Variants in CNTNAP5 observed in about 807,000 individuals in gnomAD.
CNTNAP5 encodes the protein contactin associated protein family member 5, also known as contactin-associated protein-like 5.
A neutral mutation model predicts 150.2 loss-of-function variants in CNTNAP5; 72 were observed. The observed-to-expected ratio is 0.48, with a 90% CI of 0.40 to 0.58. The LOEUF (loss-of-function observed/expected upper bound fraction) is 0.58, where lower values mean the gene tolerates loss of function less well. Among genes scored for constraint, CNTNAP5 ranks in the 20% least tolerant of loss-of-function variants. The probability of loss-of-function intolerance (pLI) is 0.00; values close to 1 mark genes in which losing one functional copy is unlikely to be tolerated. For missense variants in CNTNAP5, 1,636 were observed against 1,626.2 expected (o/e 1.01, Z -0.10); for synonymous variants, 672 against 619.8 (o/e 1.08, Z -1.25).
At chr2:124,210,096 A>C (rs1433306558) in intron 1 of CNTNAP5, among the ~76,000 whole-genome samples, 1 of 152,114 alleles carries the variant, frequency 6.6e-6, no homozygotes, top group Admixed American at 6.5e-5. Context: ...AGACTAGTGA[A>C]CTCAGGTCAG....
chr2:124,772,532 G>C (rs1180075821), intron 16 of CNTNAP5, among the ~76,000 whole-genome samples: 1 of 152,142 alleles, frequency 6.6e-6, no homozygotes, highest in Non-Finnish European at 1.5e-5. Context: ...CGGCATTCAT[G>C]CAGGTATATC....
intron 1 of CNTNAP5, among the ~76,000 whole-genome samples, chr2:124,079,300 T>C (rs1456460624): frequency 6.6e-6 from 1 of 152,164 alleles, no homozygotes; most frequent in Non-Finnish European, 1.5e-5. Flanking sequence ...CCAACCCCCA[T>C]GTTCTTCCCA....
rs1437517622 is a variant in CNTNAP5, at chr2:124,914,593, C to T, written c.*305C>T. 3 of 236,960 alleles carry T rather than the reference C, an allele frequency of 1.3e-5. No individual in the cohort carries two copies. Among genetic ancestry groups the T allele is most frequent in the African/African-American group, 6.8e-5 (3 of 44,164 alleles). 14.7% of individuals were successfully genotyped at this position (236,960 alleles called of 1,614,324 possible). On this transcript the variant is annotated 3_prime_UTR_variant, in exon 24 of 24. Coordinates refer to ENST00000682447, the MANE Select transcript of CNTNAP5 (RefSeq NM_001367498.1). The stretch of plus-strand genomic sequence containing the variant: ...CTCCTGCATGTTCAGTTCTGTACTT[C>T]CAGTTTCTAAAATGCACTGTTCAGT...
chr2:124,806,316 T>G (rs1302670585), intron 19 of CNTNAP5, among the ~76,000 whole-genome samples: 1 of 152,098 alleles, frequency 6.6e-6, no homozygotes, highest in African/African-American at 2.4e-5. Flanking sequence ...AGGATGACAG[T>G]GGGGCCATAT....
chr2:124,606,059 G>A (rs1448156204), intron 11 of CNTNAP5, among the ~76,000 whole-genome samples: 1 of 151,904 alleles, frequency 6.6e-6, no homozygotes, highest in Non-Finnish European at 1.5e-5. Context: ...TAGTAAATTT[G>A]GAGTTAAATT....
chr2:124,623,570 A>G (rs1216672612), intron 12 of CNTNAP5, among the ~76,000 whole-genome samples: 2 of 152,222 alleles, frequency 1.3e-5, no homozygotes, highest in Non-Finnish European at 2.9e-5. Context: ...GGTGATGATG[A>G]CAGCTTTTTA....
chr2:124,799,831 T>C (rs1029750618), intron 19 of CNTNAP5, among the ~76,000 whole-genome samples: 7 of 152,000 alleles, frequency 4.6e-5, no homozygotes, highest in Non-Finnish European at 8.8e-5. Context: ...CTTTCTAAGA[T>C]AAAAATAGAA....
chr2:124,130,938 G>A (rs1683829265), intron 1 of CNTNAP5, among the ~76,000 whole-genome samples: 1 of 152,048 alleles, frequency 6.6e-6, no homozygotes, highest in African/African-American at 2.4e-5. Flanking sequence ...AAAGAAAGAA[G>A]GTGATACTGT....
chr2:124,807,606 C>A (rs1682107820), intron 19 of CNTNAP5, among the ~76,000 whole-genome samples: 1 of 152,154 alleles, frequency 6.6e-6, no homozygotes, highest in African/African-American at 2.4e-5. Flanking sequence ...GAAGACACAG[C>A]AAGGGATCAG....
intron 1 of CNTNAP5, among the ~76,000 whole-genome samples, chr2:124,167,113 A>G (rs1209541007): frequency 6.6e-6 from 1 of 152,088 alleles, no homozygotes; most frequent in Non-Finnish European, 1.5e-5. Context: ...TATGTCTCAG[A>G]TATCTCTCTC....
At chr2:124,419,895 G>GTTTTCTTTCTTTCTTT (rs1692038569) in intron 4 of CNTNAP5, among the ~76,000 whole-genome samples, 1 of 98,880 alleles carries the variant, frequency 1.0e-5, no homozygotes, top group East Asian at 3.7e-4. Flanking sequence ...GACTGGATTG[G>GTTTTCTTTCTTTCTTT]TTTTCTTTCT....
At chr2:124,236,629 C>A (rs1390969063) in intron 2 of CNTNAP5, among the ~76,000 whole-genome samples, 1 of 152,154 alleles carries the variant, frequency 6.6e-6, no homozygotes. Flanking sequence ...ACATCTAGAA[C>A]TTTTACTTAC....
At chr2:124,824,685 G>A (rs1682557994) in intron 19 of CNTNAP5, among the ~76,000 whole-genome samples, 1 of 152,148 alleles carries the variant, frequency 6.6e-6, no homozygotes, top group South Asian at 2.1e-4. Context: ...TAATACTGGA[G>A]CCACTTTGCT....
At chr2:124,420,895 C>T (rs1316503126) in intron 4 of CNTNAP5, among the ~76,000 whole-genome samples, 6 of 152,188 alleles carry the variant, frequency 3.9e-5, no homozygotes, top group African/African-American at 1.4e-4. Flanking sequence ...GAAACTCTGA[C>T]TAATACAGAA....
At chr2:124,539,170 G>T (rs368753934) in intron 10 of CNTNAP5, among the ~76,000 whole-genome samples, 2 of 152,274 alleles carry the variant, frequency 1.3e-5, no homozygotes, top group East Asian at 3.9e-4. Context: ...TGCAGTAAAA[G>T]GTTCTCACCT....
intron 7 of CNTNAP5, among the ~76,000 whole-genome samples, chr2:124,494,002 A>G (rs944063226): frequency 1.6e-5 from 2 of 126,316 alleles, no homozygotes; most frequent in Non-Finnish European, 3.4e-5. Context: ...ACACACACAC[A>G]CTCCACTTCC....
chr2:124,663,627 A>T (rs570161464), intron 13 of CNTNAP5, among the ~76,000 whole-genome samples: 2 of 152,244 alleles, frequency 1.3e-5, no homozygotes, highest in African/African-American at 4.8e-5. Flanking sequence ...AAAGGAGGGA[A>T]AATCCTTTGG....
At chr2:124,385,612 A>AT (rs1450883707) in intron 3 of CNTNAP5, among the ~76,000 whole-genome samples, 1 of 152,324 alleles carries the variant, frequency 6.6e-6, no homozygotes, top group African/African-American at 2.4e-5. Flanking sequence ...ACAGAAACAT[A>AT]TTTTTTGGAT....
chr2:124,604,468 G>A lies in CNTNAP5; in HGVS notation c.1757-5333G>A, dbSNP rs185038235. On this transcript the variant is annotated intron_variant, in intron 11 of 23. Coordinates refer to ENST00000682447, the MANE Select transcript of CNTNAP5 (RefSeq NM_001367498.1). ...AATAATACTAAAAATATTTTCATCC[G>A]TTACTTTGGGGCACCCTAGGGAAAC... 1.1e-4 allele frequency among the ~76,000 whole-genome samples: 16 copies of A among 152,054 alleles called. No homozygotes were observed. In the East Asian group the frequency reaches 1.9e-3, roughly 18 times the overall value.
Sources: allele counts gnomAD v4.1 joint callset (sites outside exome capture counted in the v4.1 genomes callset), GRCh38; gene constraint gnomAD v4.1.1; transcripts MANE v1.5; gene names NCBI Gene and HGNC (gene_info 2026-07-23, HGNC 2026-07-21).